Variants in TMEM37 observed in about 807,000 individuals in gnomAD.
The protein encoded by TMEM37 is voltage-dependent calcium channel gamma-like subunit.
TMEM37 carries 12 observed loss-of-function variants against 11.0 expected under a neutral mutation model. The ratio of observed to expected loss-of-function variants is 1.09; its 90% confidence interval spans 0.70 to 1.76. TMEM37 has a LOEUF of 1.76. Among genes scored for constraint, TMEM37 ranks in the 40% most tolerant of loss-of-function variants. The pLI is 0.00. For missense variants in TMEM37, 203 were observed against 251.2 expected (o/e 0.81, Z 1.30); for synonymous variants, 127 against 110.5 (o/e 1.15, Z -0.94).
At chr2:119,436,286 A>G (rs1682494035) in intron 1 of TMEM37, among the ~76,000 whole-genome samples, 1 of 152,186 alleles carries the variant, frequency 6.6e-6, no homozygotes, top group African/African-American at 2.4e-5. Flanking sequence ...CAGGCCGCAC[A>G]GGTCTGAGGG....
At chr2:119,435,358 G>A (rs961511748) in intron 1 of TMEM37, among the ~76,000 whole-genome samples, 11 of 152,178 alleles carry the variant, frequency 7.2e-5, no homozygotes, top group African/African-American at 2.4e-4. Context: ...GCCTCCATTT[G>A]CCCATGGCAT....
rs1682541529 is a variant in TMEM37 at position 119,438,038 on chromosome 2, C to A, written c.*598C>A. The A allele has an allele frequency of 6.6e-6, 1 of 152,498 alleles. No individual in the cohort carries two copies. 9.4% of individuals were successfully genotyped at this position (152,498 alleles called of 1,614,324 possible). ...AGAATGCCCTGCACACAGTAGGTTT[C>A]CAAACCATTTGACTCGGTTTGCCTC... is the stretch of plus-strand genomic sequence containing the variant. On this transcript the variant is annotated 3_prime_UTR_variant, in exon 2 of 2. Transcript: ENST00000306406.
chr2:119,437,358 G>T lies in TMEM37; in HGVS notation c.491G>T (p.Cys164Phe), dbSNP rs778706369. Residue 164 changes from cysteine to phenylalanine, a missense_variant, in exon 2 of 2, where the codon TGC becomes TTC. By Grantham distance (205) the Cys-to-Phe change is radical. Coordinates refer to ENST00000306406, the MANE Select transcript of TMEM37 (RefSeq NM_183240.3). ...ATCGGCTTCACCCTAATGTTTTGGT[G>T]CGAATTCACTGCCTCCTTCCTCCTC... ...TLIGFTLMFW[C>F]EFTASFLLFL... 6.2e-7 allele frequency: 1 copy of T among 1,614,272 alleles called. No individual in the cohort carries two copies. Among genetic ancestry groups the T allele is most frequent in the Non-Finnish European group, 8.5e-7 (1 of 1,180,058 alleles).
In TMEM37 at chr2:119,437,075, A is replaced by AGTGTG. The variant is rs3217464; in HGVS notation, c.208_209insGTGTG (p.Thr70SerfsTer79). On this transcript the variant is annotated frameshift_variant, in exon 2 of 2. Transcript: ENST00000306406. LOFTEE classifies it high-confidence loss of function. ...GCACTTCTGCACCACCACCAACCAGACGATCTGCTTCAGAGACCTGGGCCA... is the reference window on the plus strand; with the variant it reads ...GCACTTCTGCACCACCACCAACCAGAGTGTGCGATCTGCTTCAGAGACCTGGGCCA... 31 of 1,613,572 alleles carry AGTGTG rather than the reference A, an allele frequency of 1.9e-5. No individual in the cohort carries two copies. Among genetic ancestry groups the AGTGTG allele is most frequent in the Admixed American group, 3.3e-5 (2 of 59,968 alleles).
chr2:119,430,889 C>A (rs1682379985), upstream of TMEM37, among the ~76,000 whole-genome samples: 1 of 152,182 alleles, frequency 6.6e-6, no homozygotes. Flanking sequence ...GTAATCCTAG[C>A]ACTTTGGAAG....
In TMEM37 at chr2:119,431,940, C is replaced by A; in HGVS notation, c.21+16C>A. ...CGGCGTGCAGGTAGCCGGCGCCTGG[C>A]GGGGCGCTGACCCGGGGTGCTGCCC... On this transcript the variant is annotated intron_variant, in intron 1 of 1. Transcript: ENST00000306406. 2 of 1,221,012 alleles carry A rather than the reference C, an allele frequency of 1.6e-6. No homozygotes were observed. The highest frequency in any genetic ancestry group is 1.0e-6 in the Non-Finnish European group (1 of 980,356). The allele number at this position is 1,221,012 out of a possible 1,614,324, so 75.6% of individuals were successfully genotyped here. A position where few individuals can be genotyped will look rare whatever the true frequency, so the allele number is the denominator to read the frequency against.
Position 119,437,990 on chromosome 2 carries a change from G to A in TMEM37, c.*550G>A, listed in dbSNP as rs1237485235. 6.5e-6 allele frequency: 1 copy of A among 154,590 alleles called. No individual in the cohort carries two copies. Among genetic ancestry groups the A allele is most frequent in the Admixed American group, 6.4e-5 (1 of 15,604 alleles). 9.6% of individuals were successfully genotyped at this position (154,590 alleles called of 1,614,324 possible). ...TGGCTTCAGCTTTGGTCATGCCAAAGAGGCAGAGTTCAGGATTCCCTCAGA... is the reference window on the plus strand; with the variant it reads ...TGGCTTCAGCTTTGGTCATGCCAAAAAGGCAGAGTTCAGGATTCCCTCAGA... On this transcript the variant is annotated 3_prime_UTR_variant, in exon 2 of 2. Coordinates refer to ENST00000306406, the MANE Select transcript of TMEM37 (RefSeq NM_183240.3).
At chr2:119,432,824 G>A (rs1429644228) in intron 1 of TMEM37, among the ~76,000 whole-genome samples, 1 of 152,132 alleles carries the variant, frequency 6.6e-6, no homozygotes, top group Non-Finnish European at 1.5e-5. Flanking sequence ...TCCGTGGCTG[G>A]CCAAGGAACA....
At chr2:119,434,159 G>T (rs535371484) in intron 1 of TMEM37, among the ~76,000 whole-genome samples, 1 of 152,122 alleles carries the variant, frequency 6.6e-6, no homozygotes, top group African/African-American at 2.4e-5. Flanking sequence ...GGGACAGGAC[G>T]TGCCTGTTTT....
At chr2:119,431,797 G>A (rs1157720195), upstream of TMEM37, 2 of 677,182 alleles carry the variant, frequency 3.0e-6, no homozygotes, top group South Asian at 7.0e-5. Context: ...CGCCCCGCCC[G>A]CCTCCAGCAG....
chr2:119,436,971 C>A lies in TMEM37; in HGVS notation c.104C>A (p.Ala35Asp). 1 of 1,614,254 alleles carries A rather than the reference C, an allele frequency of 6.2e-7. No individual in the cohort carries two copies. The highest frequency in any genetic ancestry group is 8.5e-7 in the Non-Finnish European group (1 of 1,180,050). The change falls in exon 2 of 2, where the codon GCC (alanine) becomes GAC (aspartate). Residue 35 changes from alanine (A) to aspartate (D), a missense_variant. Coordinates refer to ENST00000306406, the MANE Select transcript of TMEM37 (RefSeq NM_183240.3). ...CGGACCCTCATCATCACGTGTGTGG[C>A]CCTGGCTGTGGTCCTGTCCTCGGTC... ...FIRTLIITCV[A>D]LAVVLSSVSI...
chr2:119,434,271 G>A (rs891438103), intron 1 of TMEM37, among the ~76,000 whole-genome samples: 2 of 152,084 alleles, frequency 1.3e-5, no homozygotes, highest in African/African-American at 4.8e-5. Flanking sequence ...ATTCTCTAGG[G>A]ACCTTGTAAC....
At chr2:119,433,039 C>G (rs1682434117) in intron 1 of TMEM37, among the ~76,000 whole-genome samples, 2 of 152,258 alleles carry the variant, frequency 1.3e-5, no homozygotes, top group African/African-American at 4.8e-5. Context: ...GGCCAGGCAG[C>G]ATGGTGGGAC....
rs112346526 is a variant in TMEM37, at chr2:119,438,054, G to C, written c.*614G>C. ...AGTAGGTTTCCAAACCATTTGACTCGGTTTGCCTCCCTGCCCGTTGTTTAA... is the reference window on the plus strand; with the variant it reads ...AGTAGGTTTCCAAACCATTTGACTCCGTTTGCCTCCCTGCCCGTTGTTTAA... On this transcript the variant is annotated 3_prime_UTR_variant, in exon 2 of 2. Coordinates refer to ENST00000306406, the MANE Select transcript of TMEM37 (RefSeq NM_183240.3). 6.6e-6 allele frequency: 1 copy of C among 152,382 alleles called. No homozygotes were observed. The highest frequency in any genetic ancestry group is 1.5e-5 in the Non-Finnish European group (1 of 68,222). The allele number at this position is 152,382 out of a possible 1,614,324, so 9.4% of individuals were successfully genotyped here. A position where few individuals can be genotyped will look rare whatever the true frequency, so the allele number is the denominator to read the frequency against.
At chr2:119,432,666 C>A (rs1682428031) in intron 1 of TMEM37, among the ~76,000 whole-genome samples, 1 of 152,188 alleles carries the variant, frequency 6.6e-6, no homozygotes, top group African/African-American at 2.4e-5. Flanking sequence ...GCAACTCGCC[C>A]GCTGCAGAGT....
upstream of TMEM37, among the ~76,000 whole-genome samples, chr2:119,430,879 G>C (rs1682379813): frequency 6.6e-6 from 1 of 152,194 alleles, no homozygotes; most frequent in Non-Finnish European, 1.5e-5. Context: ...GCTCATGCCT[G>C]TAATCCTAGC....
chr2:119,432,965 G>A (rs1163565017), intron 1 of TMEM37, among the ~76,000 whole-genome samples: 1 of 152,196 alleles, frequency 6.6e-6, no homozygotes, highest in East Asian at 1.9e-4. Context: ...TAGGCACCTG[G>A]GCGAAGCCGG....
At chr2:119,431,162 G>A (rs543971220), upstream of TMEM37, among the ~76,000 whole-genome samples, 30 of 151,602 alleles carry the variant, frequency 2.0e-4, no homozygotes, top group Admixed American at 1.1e-3. Context: ...AAAAAAAAAA[G>A]AGAGACCTCA....
At chr2:119,430,088 T>C (rs950868053), upstream of TMEM37, 1 of 977,516 alleles carries the variant, frequency 1.0e-6, no homozygotes, top group African/African-American at 1.6e-5. Context: ...CTTTCCCATG[T>C]GGGCTCTTTA....
Sources: allele counts gnomAD v4.1 joint callset (sites outside exome capture counted in the v4.1 genomes callset), GRCh38; gene constraint gnomAD v4.1.1; transcripts MANE v1.5; gene names NCBI Gene and HGNC (gene_info 2026-07-23, HGNC 2026-07-21).